CATSPERE: variants seen among roughly 807,000 people sequenced by gnomAD.
CATSPERE encodes the protein catsper channel auxiliary subunit epsilon.
Under a neutral mutation model 114.1 loss-of-function variants are expected in CATSPERE, and 93 were observed. The ratio of observed to expected loss-of-function variants is 0.81; its 90% CI spans 0.69 to 0.97. The LOEUF is 0.97. Among genes scored for constraint, CATSPERE ranks in the 50% least tolerant of loss-of-function variants. CATSPERE has a pLI of 0.00. For missense variants in CATSPERE, 1,058 were observed against 1,131.6 expected, an observed-to-expected ratio of 0.93 and a Z score of 0.93; for synonymous variants, 341 against 384.1, an observed-to-expected ratio of 0.89 and a Z score of 1.31.
chr1:244,573,208 G>A lies in CATSPERE; in HGVS notation c.1950+436G>A, dbSNP rs1010541972. On this transcript the variant is annotated intron_variant, in intron 11 of 21. Coordinates refer to ENST00000366534, the MANE Select transcript of CATSPERE (RefSeq NM_001130957.2). The surrounding 1 kb of genome is among the most constrained non-coding windows in gnomAD (Gnocchi z 4.0). ...AGGCAGATCACGAGGTCAGGAGATC[G>A]AGACCATCCTGGCTAACACAGTGAA... 1.3e-5 allele frequency among the ~76,000 whole-genome samples: 2 copies of A among 151,998 alleles called. No individual in the cohort carries two copies. Among genetic ancestry groups the A allele is most frequent in the African/African-American group, 2.4e-5 (1 of 41,484 alleles).
At chr1:244,468,888 A>C (rs1020374261) in intron 2 of CATSPERE, among the ~76,000 whole-genome samples, 2 of 152,208 alleles carry the variant, frequency 1.3e-5, no homozygotes, top group African/African-American at 4.8e-5. Context: ...ACTGCACTCC[A>C]GCCTGGGTGA....
intron 6 of CATSPERE, among the ~76,000 whole-genome samples, chr1:244,495,352 A>T (rs1465891565): frequency 6.6e-6 from 1 of 152,202 alleles, no homozygotes; most frequent in Non-Finnish European, 1.5e-5. Context: ...ATTTTATGGG[A>T]ATAGGGAATG....
chr1:244,494,658 T>A (rs1353373952), intron 6 of CATSPERE, among the ~76,000 whole-genome samples: 1 of 151,638 alleles, frequency 6.6e-6, no homozygotes, highest in East Asian at 1.9e-4. Context: ...AATTCTGGAA[T>A]AGAGGATGAT....
At chr1:244,557,531 T>TTATATATATATATATATA (rs1661769799) in intron 9 of CATSPERE, among the ~76,000 whole-genome samples, 1 of 28,854 alleles carries the variant, frequency 3.5e-5, no homozygotes. Context: ...TTTGAAATAT[T>TTATATATATATATATATA]CATATATATA....
At chr1:244,615,639 A>G (rs780657714) in intron 19 of CATSPERE, among the ~76,000 whole-genome samples, 5 of 152,052 alleles carry the variant, frequency 3.3e-5, no homozygotes, top group Non-Finnish European at 7.4e-5. Context: ...TTACGGGACC[A>G]CTATTGTATA....
intron 7 of CATSPERE, among the ~76,000 whole-genome samples, chr1:244,510,843 T>C (rs1387620422): frequency 6.9e-5 from 9 of 130,444 alleles, no homozygotes; most frequent in South Asian, 2.3e-4. Flanking sequence ...TTCTTTTTTT[T>C]TTTTTTTTTT....
intron 2 of CATSPERE, among the ~76,000 whole-genome samples, chr1:244,469,459 C>T (rs1426821752): frequency 6.6e-6 from 1 of 152,114 alleles, no homozygotes; most frequent in East Asian, 1.9e-4. Flanking sequence ...CCATACATAT[C>T]CTTTCATCCA....
intron 20 of CATSPERE, among the ~76,000 whole-genome samples, chr1:244,624,142 T>TG (rs1558616550): frequency 6.7e-6 from 1 of 148,922 alleles, no homozygotes; most frequent in African/African-American, 2.5e-5. Context: ...TTTTTTTTTT[T>TG]TTGTATTTTT....
Position 244,640,068 on chromosome 1 carries a change from G to T in CATSPERE, c.2843G>T (p.Arg948Leu). Residue 948 changes from arginine to leucine, a missense_variant, in exon 22 of 22, where the codon CGT becomes CTT. This residue lies in a region of CATSPERE where 787 missense variants were observed against 905.6 expected (regional missense o/e 0.87). Transcript: ENST00000366534. ...YEPLHKPQRKRKKN is the reference protein window; with the variant it reads ...YEPLHKPQRKLKKN ...CCACTTCACAAACCTCAAAGAAAAC[G>T]TAAGAAGAATTAGGAAAACTGAAAG... 5 of 1,548,238 alleles carry T rather than the reference G, an allele frequency of 3.2e-6. No homozygotes were observed. The highest frequency in any genetic ancestry group is 3.5e-6 in the Non-Finnish European group (4 of 1,145,236).
chr1:244,531,522 T>A (rs925208398), intron 8 of CATSPERE, among the ~76,000 whole-genome samples: 32 of 117,196 alleles, frequency 2.7e-4, no homozygotes, highest in Middle Eastern at 4.0e-3. Context: ...GTTTTTAAAA[T>A]TTTTTTTTTG....
At chr1:244,493,327 C>G (rs1240935520) in intron 6 of CATSPERE, among the ~76,000 whole-genome samples, 2 of 152,150 alleles carry the variant, frequency 1.3e-5, no homozygotes, top group Non-Finnish European at 2.9e-5. Flanking sequence ...TTTGACAAAC[C>G]TGAGAAAAAC....
In CATSPERE at chr1:244,552,661, A is replaced by C; in HGVS notation, c.876A>C (p.Leu292Phe). Reference sequence around the variant, plus strand: ...GACGGAGTGTGGCTCATGTGATCTTATCGCGGGATGGAATCGTTTTTCTTA... The same window carrying C: ...GACGGAGTGTGGCTCATGTGATCTTCTCGCGGGATGGAATCGTTTTTCTTA... ...DERRSVAHVILSRDGIVFLIN... is the reference protein window; with the variant it reads ...DERRSVAHVIFSRDGIVFLIN... Residue 292 changes from leucine (L) to phenylalanine (F), a missense_variant, in exon 9 of 22, where the codon TTA becomes TTC. Physicochemically the swap from Leu to Phe is conservative, Grantham distance 22 (BLOSUM62 0). Transcript: ENST00000366534. The C allele has an allele frequency of 6.2e-7, 1 of 1,614,148 alleles. No individual in the cohort carries two copies. The highest frequency in any genetic ancestry group is 8.5e-7 in the Non-Finnish European group (1 of 1,180,020).
intron 17 of CATSPERE, among the ~76,000 whole-genome samples, chr1:244,600,716 T>C (rs971895275): frequency 1.1e-4 from 17 of 149,136 alleles, no homozygotes; most frequent in African/African-American, 3.5e-4. Flanking sequence ...TCCAGAGATA[T>C]AGGATCCTCA....
chr1:244,602,324 C>T (rs992514616), intron 17 of CATSPERE, among the ~76,000 whole-genome samples: 4 of 152,138 alleles, frequency 2.6e-5, no homozygotes, highest in African/African-American at 7.2e-5. Flanking sequence ...ACCAGGTATC[C>T]GATCAGGTAT....
Position 244,552,121 on chromosome 1 carries a change from G to A in CATSPERE, c.537-201G>A, listed in dbSNP as rs559543291. Reference sequence around the variant, plus strand: ...ACTTGAGAATACAGAGACAGAAACAGCTGCAAGAGTCAAGATTGTGTTCCT... The same window carrying A: ...ACTTGAGAATACAGAGACAGAAACAACTGCAAGAGTCAAGATTGTGTTCCT... On this transcript the variant is annotated intron_variant, in intron 8 of 21. Transcript: ENST00000366534. Among the ~76,000 whole-genome samples the A allele has an allele frequency of 1.4e-3, 207 of 144,548 alleles. 2 individuals carry two copies. Among genetic ancestry groups the A allele is most frequent in the African/African-American group, 4.9e-3 (193 of 39,444 alleles). The allele number at this position is 144,548 out of a possible 152,430, so 94.8% of individuals were successfully genotyped here.
intron 6 of CATSPERE, among the ~76,000 whole-genome samples, chr1:244,497,562 C>T (rs1489286917): frequency 6.6e-5 from 10 of 152,038 alleles, no homozygotes; most frequent in Admixed American, 6.6e-4. Context: ...TTTGGGAGGC[C>T]GAGGCAGGCA....
chr1:244,632,919 T>C (rs377453567), intron 20 of CATSPERE, among the ~76,000 whole-genome samples: 34 of 152,124 alleles, frequency 2.2e-4, no homozygotes, highest in African/African-American at 8.0e-4. Context: ...TATGAAGACA[T>C]AGATTGATTA....
intron 20 of CATSPERE, among the ~76,000 whole-genome samples, chr1:244,624,984 C>T (rs1672916933): frequency 6.6e-6 from 1 of 152,082 alleles, no homozygotes. Context: ...GTCTTGAATC[C>T]CTCAAAGCCA....
chr1:244,617,370 A>G (rs1407983219), intron 19 of CATSPERE, among the ~76,000 whole-genome samples, 159 bp from the exon 20 acceptor site: 1 of 152,236 alleles, frequency 6.6e-6, no homozygotes, highest in African/African-American at 2.4e-5. Context: ...AGTTTAACCC[A>G]GTATCGCTCT....
Sources: gnomAD v4.1 joint callset for allele counts (sites outside exome capture counted in the v4.1 genomes callset) on GRCh38, gnomAD v4.1.1 for gene constraint, gnomAD v4.1.1 regional missense constraint, Gnocchi (gnomAD v3.1) non-coding constraint, MANE v1.5 for transcripts, NCBI Gene and HGNC (gene_info 2026-07-23, HGNC 2026-07-21) for gene names.